Variants in PKD1L1 observed in about 807,000 individuals in gnomAD.
PKD1L1 encodes polycystin-1-like protein 1.
A neutral mutation model predicts 323.4 loss-of-function variants in PKD1L1; 236 were observed. That is an observed-to-expected ratio of 0.73 (90% CI 0.66 to 0.81). PKD1L1 has a LOEUF of 0.81. PKD1L1 is among the 40% of genes least tolerant of loss of function. The probability of loss-of-function intolerance (pLI) is 0.00; values close to 1 mark genes in which losing one functional copy is unlikely to be tolerated. For synonymous variants in PKD1L1, 1,344 were observed against 1,335.0 expected, an observed-to-expected ratio of 1.01 and a Z score of -0.15; for missense variants, 3,320 against 3,508.0, an observed-to-expected ratio of 0.95 and a Z score of 1.35.
intron 34 of PKD1L1, among the ~76,000 whole-genome samples, chr7:47,842,754 C>A (rs1362875585): frequency 2.0e-5 from 3 of 152,178 alleles, no homozygotes. Context: ...ATTGGAGCAG[C>A]TGCAGAAGGT....
Position 47,813,228 on chromosome 7 carries a change from G to A in PKD1L1, c.7239C>T (p.Gly2413=), listed in dbSNP as rs758876559. The part of the protein sequence containing the change: ...SIPTCSPEVG[G]PENPYLIDPE... ...GGTCTATCAGGTAGGGGTTCTCAGG[G>A]CCTCCAACTTCGGGACTACATGTAG... The change falls in exon 49 of 57, where the codon GGC becomes GGT. Residue 2413 remains glycine (G), a synonymous_variant. Transcript: ENST00000289672. The A allele has an allele frequency of 1.2e-6, 2 of 1,614,156 alleles. No individual in the cohort carries two copies. Among genetic ancestry groups the A allele is most frequent in the South Asian group, 2.2e-5 (2 of 91,080 alleles).
rs1786717274 is a variant in PKD1L1, at chr7:47,887,844, G to A, written c.2836+146C>T. 6.8e-6 allele frequency: 5 copies of A among 736,060 alleles called. No homozygotes were observed. The Middle Eastern group carries it at 1.2e-3, about 175-fold the overall frequency. The allele number at this position is 736,060 out of a possible 1,614,324, so 45.6% of individuals were successfully genotyped here. A position where few individuals can be genotyped will look rare whatever the true frequency, so the allele number is the denominator to read the frequency against. ...GTTCACACGGACTGTAGAGGCAAGA[G>A]GGGCTGGGGAAGCACGACGGACCGT... On this transcript the variant is annotated intron_variant, in intron 17 of 56. Coordinates refer to ENST00000289672, the MANE Select transcript of PKD1L1 (RefSeq NM_138295.5).
intron 26 of PKD1L1, among the ~76,000 whole-genome samples, chr7:47,863,345 G>C (rs1335090097): frequency 6.6e-6 from 1 of 152,082 alleles, no homozygotes; most frequent in Non-Finnish European, 1.5e-5. Flanking sequence ...TGGGGAGCTT[G>C]AGTCAGCTTT....
chr7:47,934,704 T>C (rs1357859184), intron 4 of PKD1L1, among the ~76,000 whole-genome samples: 2 of 151,914 alleles, frequency 1.3e-5, no homozygotes, highest in African/African-American at 4.8e-5. Context: ...CAGGCTTTTA[T>C]TGATTGTGAT....
chr7:47,789,121 G>A (rs957914906), intron 56 of PKD1L1, among the ~76,000 whole-genome samples: 2 of 152,016 alleles, frequency 1.3e-5, no homozygotes, highest in East Asian at 1.9e-4. Flanking sequence ...AAACACATTC[G>A]GAAGCTTTTC....
In PKD1L1 at chr7:47,840,547, G is replaced by A. The variant is rs373335150; in HGVS notation, c.5466C>T (p.Gly1822=). 31 of 1,613,666 alleles carry A rather than the reference G, an allele frequency of 1.9e-5. No individual in the cohort carries two copies. The highest frequency in any genetic ancestry group is 8.0e-5 in the African/African-American group (6 of 74,894). The change falls in exon 35 of 57, where the codon GGC becomes GGT. Residue 1822 remains glycine (G), a synonymous_variant. Coordinates refer to ENST00000289672, the MANE Select transcript of PKD1L1 (RefSeq NM_138295.5). This position sits in a 1 kb window ranked among gnomAD's most constrained non-coding sequence, Gnocchi z 4.1. The part of the protein sequence containing the change: ...LTSKVYIVLC[G]DNGLSETKEL... The stretch of plus-strand genomic sequence containing the variant: ...CCTTGGTTTCTGACAGTCCATTGTC[G>A]CCACATAAAACAATGTACACCTCAA...
chr7:47,852,328 A>G (rs1562959124), intron 31 of PKD1L1, among the ~76,000 whole-genome samples: 1 of 152,270 alleles, frequency 6.6e-6, no homozygotes, highest in Non-Finnish European at 1.5e-5. Context: ...AACACATGAA[A>G]TGCAACATTA....
intron 3 of PKD1L1, 94 bp downstream of exon 3, chr7:47,940,099 G>A: frequency 6.7e-7 from 1 of 1,495,322 alleles, no homozygotes; most frequent in Middle Eastern, 1.8e-4. Flanking sequence ...AATCCCTGAT[G>A]AATTCCTGAT....
At chr7:47,792,570 T>C in intron 56 of PKD1L1, 57 bp downstream of exon 56, 1 of 1,519,322 alleles carries the variant, frequency 6.6e-7, no homozygotes, top group Non-Finnish European at 8.9e-7. Context: ...CCAAAACTCC[T>C]TTAGAACTTA....
At chr7:47,777,485 C>A (rs4341074) in intron 56 of PKD1L1, among the ~76,000 whole-genome samples, 6 of 151,968 alleles carry the variant, frequency 3.9e-5, no homozygotes, top group African/African-American at 1.5e-4. Context: ...ATCTGCCCTA[C>A]CTCTCAACTT....
rs80185980 is a variant in PKD1L1, at chr7:47,913,043, A to C, written c.1228+2389T>G. Among the ~76,000 whole-genome samples the C allele has an allele frequency of 5.0e-3, 757 of 152,110 alleles. 7 individuals are homozygous for C. Among genetic ancestry groups the C allele is most frequent in the African/African-American group, 0.017 (711 of 41,482 alleles). On this transcript the variant is annotated intron_variant, in intron 8 of 56. Coordinates refer to ENST00000289672, the MANE Select transcript of PKD1L1 (RefSeq NM_138295.5). The stretch of plus-strand genomic sequence containing the variant: ...GGCCTGAGAGTCTGTATTCTAAGCC[A>C]GTCTCAGGTGGTCATGATGCTGCTG...
At chr7:47,947,826 G>T (rs1274893580) in intron 1 of PKD1L1, among the ~76,000 whole-genome samples, 1 of 151,904 alleles carries the variant, frequency 6.6e-6, no homozygotes, top group African/African-American at 2.4e-5. Context: ...AATTAGTCGG[G>T]CGTGGTGGTG....
intron 7 of PKD1L1, among the ~76,000 whole-genome samples, chr7:47,917,783 C>T (rs1787459807): frequency 1.3e-5 from 2 of 152,142 alleles, no homozygotes; most frequent in African/African-American, 2.4e-5. Flanking sequence ...GAATTCACCA[C>T]TACCAAGCTA....
chr7:47,855,872 T>G, intron 28 of PKD1L1, among the ~76,000 whole-genome samples: 1 of 64,278 alleles, frequency 1.6e-5, no homozygotes, highest in Admixed American at 2.7e-4. Context: ...CGAGACTCCG[T>G]CTCAAAAAAA....
chr7:47,809,437 T>C, intron 51 of PKD1L1, 36 bp downstream of exon 51: 1 of 1,420,714 alleles, frequency 7.0e-7, no homozygotes, highest in Non-Finnish European at 9.6e-7. Flanking sequence ...CAGTTTATTG[T>C]TATTTTTCAA....
chr7:47,796,967 T>C (rs1784554076), intron 54 of PKD1L1, among the ~76,000 whole-genome samples: 2 of 142,988 alleles, frequency 1.4e-5, no homozygotes, highest in Admixed American at 7.1e-5. Flanking sequence ...GCCACTGCAC[T>C]CCAGCCTGGG....
At chr7:47,802,723 C>T (rs1437873118) in intron 53 of PKD1L1, among the ~76,000 whole-genome samples, 1 of 152,204 alleles carries the variant, frequency 6.6e-6, no homozygotes, top group East Asian at 1.9e-4. Context: ...GTACTCTGTA[C>T]CTGTTGATTC....
At chr7:47,859,804 AT>A (rs1785986806) in intron 26 of PKD1L1, among the ~76,000 whole-genome samples, 1 of 151,682 alleles carries the variant, frequency 6.6e-6, no homozygotes, top group South Asian at 2.1e-4. Context: ...ATTTTTTTGT[AT>A]TTTTAGTAGA....
rs776420484 is a variant in PKD1L1, at chr7:47,813,983, A to G, written c.7121T>C (p.Ile2374Thr). Reference protein sequence around the residue: ...PGALGGKCYLIGSSVIRQLKV... With the variant: ...PGALGGKCYLTGSSVIRQLKV... ...TAGCTGCCTAATTACGGAACTGCCTATTAGGTAGCATTTTCCTCCAAGAGC... is the reference window on the plus strand; with the variant it reads ...TAGCTGCCTAATTACGGAACTGCCTGTTAGGTAGCATTTTCCTCCAAGAGC... Residue 2374 changes from isoleucine to threonine, a missense_variant, in exon 48 of 57, where the codon ATA becomes ACA. Transcript: ENST00000289672. 7 of 1,613,984 alleles carry G rather than the reference A, an allele frequency of 4.3e-6. No homozygotes were observed. Among genetic ancestry groups the G allele is most frequent in the Non-Finnish European group, 5.9e-6 (7 of 1,180,028 alleles).
Sources: allele counts gnomAD v4.1 joint callset (sites outside exome capture counted in the v4.1 genomes callset), GRCh38; gene constraint gnomAD v4.1.1; non-coding constraint Gnocchi (gnomAD v3.1); transcripts MANE v1.5; gene names NCBI Gene and HGNC (gene_info 2026-07-23, HGNC 2026-07-21).